HECW2: variants seen among roughly 807,000 people sequenced by gnomAD.
HECW2 encodes the protein HECT, C2 and WW domain containing E3 ubiquitin protein ligase 2, also known as E3 ubiquitin-protein ligase HECW2.
HECW2 carries 61 observed loss-of-function variants against 175.2 expected under a neutral mutation model. That is an observed-to-expected ratio of 0.35 (90% CI 0.28 to 0.43). The LOEUF (loss-of-function observed/expected upper bound fraction) is 0.43. Among genes scored for constraint, HECW2 ranks in the 20% least tolerant of loss-of-function variants. HECW2 has a pLI of 1.00. For missense variants in HECW2, 1,524 were observed against 2,000.5 expected, an observed-to-expected ratio of 0.76 and a Z score of 4.54; for synonymous variants, 671 against 731.0, an observed-to-expected ratio of 0.92 and a Z score of 1.32.
At chr2:196,233,121 T>A (rs574654547) in intron 21 of HECW2, among the ~76,000 whole-genome samples, 1 of 152,362 alleles carries the variant, frequency 6.6e-6, no homozygotes, top group South Asian at 2.1e-4. Flanking sequence ...AAATAGTTAA[T>A]ATGACTCATA....
intron 1 of HECW2, among the ~76,000 whole-genome samples, chr2:196,534,819 G>C (rs924740349): frequency 2.6e-5 from 4 of 152,142 alleles, no homozygotes; most frequent in Non-Finnish European, 5.9e-5. Flanking sequence ...GGCAGGGTGT[G>C]GCTGACTAGA....
chr2:196,212,667 G>A (rs4850387), intron 28 of HECW2, among the ~76,000 whole-genome samples: 80,503 of 151,994 alleles, frequency 0.53, 22,722 homozygotes, highest in Non-Finnish European at 0.63. Flanking sequence ...ACACATGCAT[G>A]TGTCTTATAA....
chr2:196,254,743 A>C (rs1252226724), intron 18 of HECW2, among the ~76,000 whole-genome samples: 1 of 152,210 alleles, frequency 6.6e-6, no homozygotes, highest in East Asian at 1.9e-4. Flanking sequence ...CCCAGACAAT[A>C]TGAGAGTTCT....
At position 196,460,141 on chromosome 2, in the gene HECW2, A is replaced by G. The variant is rs112719009; in HGVS notation, c.-35-26683T>C. ...AAAGCTCTCCTTTCCAAATTTATGA[A>G]CCTCATCATTCTTCAGCTGACAATG... is the stretch of plus-strand genomic sequence containing the variant. On this transcript the variant is annotated intron_variant, in intron 1 of 28. Coordinates refer to ENST00000644978, the MANE Select transcript of HECW2 (RefSeq NM_001348768.2). 1.4e-3 allele frequency among the ~76,000 whole-genome samples: 216 copies of G among 152,206 alleles called. 1 individual carries two copies. The highest frequency in any genetic ancestry group is 4.8e-3 in the African/African-American group (200 of 41,518).
At chr2:196,526,528 T>C (rs1256575856) in intron 1 of HECW2, among the ~76,000 whole-genome samples, 7 of 152,184 alleles carry the variant, frequency 4.6e-5, no homozygotes, top group South Asian at 2.1e-4. Flanking sequence ...TGAGGAATTG[T>C]GTTCCTTTGG....
chr2:196,319,221 G>A lies in HECW2; in HGVS notation c.1669C>T (p.Gln557Ter). The stretch of plus-strand genomic sequence containing the variant: ...GCACTGCCCTGGTCAGCACTGGGTT[G>A]AGGCTCTGGGCCGCCTTCACCTTCC... ...PEEGEGGPEP[Q>*]PSADQGSAEL... Residue 557 changes from glutamine to a stop codon, truncating the protein, a stop_gained, in exon 9 of 29, where the codon CAA becomes TAA. Transcript: ENST00000644978. LOFTEE classifies it high-confidence loss of function. The A allele has an allele frequency of 6.3e-7, 1 of 1,597,286 alleles. No homozygotes were observed. Among genetic ancestry groups the A allele is most frequent in the Non-Finnish European group, 8.5e-7 (1 of 1,172,098 alleles).
chr2:196,312,493 C>T (rs1691534997), intron 10 of HECW2, among the ~76,000 whole-genome samples: 1 of 152,082 alleles, frequency 6.6e-6, no homozygotes, highest in Non-Finnish European at 1.5e-5. Flanking sequence ...TTTGAACACT[C>T]AAGGAAGTAA....
chr2:196,225,241 C>T (rs1289805418), intron 23 of HECW2, among the ~76,000 whole-genome samples: 1 of 152,162 alleles, frequency 6.6e-6, no homozygotes, highest in Non-Finnish European at 1.5e-5. Context: ...TAATAAATTA[C>T]TAAGGGCATA....
chr2:196,287,156 T>C lies in HECW2; in HGVS notation c.3000+5409A>G, dbSNP rs561613347. On this transcript the variant is annotated intron_variant, in intron 14 of 28. Transcript: ENST00000644978. ...TGCTATTTGCTGTGGTTCTCAAAGATGAGTATTTGGACCATTCTGATACTT... is the reference window on the plus strand; with the variant it reads ...TGCTATTTGCTGTGGTTCTCAAAGACGAGTATTTGGACCATTCTGATACTT... Among the ~76,000 whole-genome samples, 177 of 152,318 alleles carry C rather than the reference T, an allele frequency of 1.2e-3. 1 individual carries two copies. The highest frequency in any genetic ancestry group is 3.9e-3 in the African/African-American group (161 of 41,574).
At position 196,502,383 on chromosome 2, in the gene HECW2, A is replaced by G. The variant is rs143769223; in HGVS notation, c.-35-68925T>C. Among the ~76,000 whole-genome samples, 50 of 152,306 alleles carry G rather than the reference A, an allele frequency of 3.3e-4. 1 individual carries two copies. The East Asian group carries it at 9.4e-3, about 29-fold the overall frequency. ...GGAGCTCCCTTCCCTCAGAGAGAAA[A>G]TATGTTACAAAGTCAAACAATAACA... On this transcript the variant is annotated intron_variant, in intron 1 of 28. Coordinates refer to ENST00000644978, the MANE Select transcript of HECW2 (RefSeq NM_001348768.2).
Position 196,196,235 on chromosome 2 carries a change from C to T in HECW2, c.*5042G>A, listed in dbSNP as rs1042284367. On this transcript the variant is annotated 3_prime_UTR_variant, in exon 29 of 29. Transcript: ENST00000644978. Reference sequence around the variant, plus strand: ...GCGGGGTGGCACAACTGCTGGGCTCCTCTTTCCTCCTTTTTTATTTTTATC... The same window carrying T: ...GCGGGGTGGCACAACTGCTGGGCTCTTCTTTCCTCCTTTTTTATTTTTATC... 6 of 152,228 alleles carry T rather than the reference C, an allele frequency of 3.9e-5. No homozygotes were observed. Among genetic ancestry groups the T allele is most frequent in the Non-Finnish European group, 8.8e-5 (6 of 68,080 alleles). 9.4% of individuals were successfully genotyped at this position (152,228 alleles called of 1,614,324 possible). A position where few individuals can be genotyped will look rare whatever the true frequency, so the allele number is the denominator to read the frequency against.
intron 1 of HECW2, among the ~76,000 whole-genome samples, chr2:196,523,169 A>G (rs868591233): frequency 6.6e-6 from 1 of 151,344 alleles, no homozygotes; most frequent in East Asian, 1.9e-4. Flanking sequence ...AGTGGTTTGT[A>G]CTCCTTGAAG....
At chr2:196,566,998 C>T (rs1464951243) in intron 1 of HECW2, among the ~76,000 whole-genome samples, 1 of 152,134 alleles carries the variant, frequency 6.6e-6, no homozygotes, top group Non-Finnish European at 1.5e-5. Flanking sequence ...TAGCTGGGTA[C>T]ATGACCATCC....
At chr2:196,412,826 A>C (rs567935479) in intron 2 of HECW2, among the ~76,000 whole-genome samples, 1 of 152,360 alleles carries the variant, frequency 6.6e-6, no homozygotes, top group Admixed American at 6.5e-5. Flanking sequence ...AAATTTTAAA[A>C]TACTGCCCAT....
At chr2:196,522,164 T>C (rs1391318086) in intron 1 of HECW2, among the ~76,000 whole-genome samples, 1 of 152,074 alleles carries the variant, frequency 6.6e-6, no homozygotes, top group East Asian at 1.9e-4. Flanking sequence ...GACTTTTTAA[T>C]GATTGCCATT....
intron 19 of HECW2, among the ~76,000 whole-genome samples, chr2:196,243,671 C>T (rs533524799): frequency 4.2e-4 from 64 of 151,158 alleles, no homozygotes; most frequent in African/African-American, 1.3e-3. Flanking sequence ...CCTCTGTCTC[C>T]TGAGTTCAAG....
chr2:196,474,020 A>T (rs1285426903), intron 1 of HECW2, among the ~76,000 whole-genome samples: 1 of 152,232 alleles, frequency 6.6e-6, no homozygotes, highest in East Asian at 1.9e-4. Flanking sequence ...TCTGTTTCAC[A>T]AACCTTTTAG....
intron 2 of HECW2, among the ~76,000 whole-genome samples, chr2:196,362,570 ACT>A (rs1575462983): frequency 1.3e-5 from 2 of 152,216 alleles, no homozygotes; most frequent in Non-Finnish European, 2.9e-5. Flanking sequence ...AAATTTGTGG[ACT>A]TGTGATTTCA....
chr2:196,214,520 A>G (rs1687400895), intron 28 of HECW2, among the ~76,000 whole-genome samples: 1 of 152,216 alleles, frequency 6.6e-6, no homozygotes, highest in South Asian at 2.1e-4. Flanking sequence ...TATGTGTTGA[A>G]GGGGAGAAAA....
Sources: gnomAD v4.1 joint callset for allele counts (sites outside exome capture counted in the v4.1 genomes callset) on GRCh38, gnomAD v4.1.1 for gene constraint, MANE v1.5 for transcripts, NCBI Gene and HGNC (gene_info 2026-07-23, HGNC 2026-07-21) for gene names.